Variants in TOGARAM2 observed in about 807,000 individuals in gnomAD.
The protein encoded by TOGARAM2 is TOG array regulator of axonemal microtubules 2.
A neutral mutation model predicts 93.3 loss-of-function variants in TOGARAM2; 85 were observed. The observed-to-expected ratio is 0.91, with a 90% CI of 0.76 to 1.09. The LOEUF (loss-of-function observed/expected upper bound fraction) is 1.09. TOGARAM2 is among the 50% of genes least tolerant of loss of function. The pLI is 0.00. For synonymous variants in TOGARAM2, 593 were observed against 552.8 expected, an observed-to-expected ratio of 1.07 and a Z score of -1.02; for missense variants, 1,277 against 1,334.5, an observed-to-expected ratio of 0.96 and a Z score of 0.67.
At chr2:28,959,917 G>T (rs1163856414) in intron 1 of TOGARAM2, among the ~76,000 whole-genome samples, 6 of 152,168 alleles carry the variant, frequency 3.9e-5, no homozygotes, top group Non-Finnish European at 2.9e-5. Flanking sequence ...AACCTGGGCG[G>T]CACAGCCCGC....
intron 1 of TOGARAM2, among the ~76,000 whole-genome samples, chr2:28,993,064 A>G (rs1255003026): frequency 2.2e-5 from 2 of 92,738 alleles, no homozygotes; most frequent in African/African-American, 5.9e-5. Context: ...TGTCTCAAAA[A>G]AAAAAAAAAA....
At chr2:29,033,891 T>C (rs1001236718) in intron 16 of TOGARAM2, among the ~76,000 whole-genome samples, 1 of 152,048 alleles carries the variant, frequency 6.6e-6, no homozygotes, top group African/African-American at 2.4e-5. Flanking sequence ...GACCAGCAGA[T>C]CCTTTAACCA....
At chr2:28,994,683 A>G in intron 1 of TOGARAM2, 42 bp from the exon 2 acceptor site, 2 of 684,594 alleles carry the variant, frequency 2.9e-6, no homozygotes, top group Non-Finnish European at 5.0e-6. Flanking sequence ...TAAAAGTGTT[A>G]ATTTGCTTTT....
At chr2:29,010,384 C>T (rs1664167459) in intron 6 of TOGARAM2, among the ~76,000 whole-genome samples, 1 of 152,132 alleles carries the variant, frequency 6.6e-6, no homozygotes, top group Non-Finnish European at 1.5e-5. Flanking sequence ...TGGGTCCAGA[C>T]CCAAGAGGCT....
At chr2:28,985,468 A>G (rs532516446) in intron 1 of TOGARAM2, among the ~76,000 whole-genome samples, 1 of 152,204 alleles carries the variant, frequency 6.6e-6, no homozygotes. Flanking sequence ...CAAGGGAGGA[A>G]ACTAGCTGAC....
chr2:29,024,505 A>G lies in TOGARAM2; in HGVS notation c.1853+131A>G, dbSNP rs908013146. On this transcript the variant is annotated intron_variant, in intron 13 of 19. Transcript: ENST00000379558. ...GAGGGAAGCAGGCAAGTGAGGCTGCAGGGGGTCCCTTGAGATGCTAGAGGA... is the reference window on the plus strand; with the variant it reads ...GAGGGAAGCAGGCAAGTGAGGCTGCGGGGGGTCCCTTGAGATGCTAGAGGA... 3 of 819,766 alleles carry G rather than the reference A, an allele frequency of 3.7e-6. No individual in the cohort carries two copies. The African/African-American group carries it at 5.1e-5, about 14-fold the overall frequency. The allele number at this position is 819,766 out of a possible 1,614,324, so 50.8% of individuals were successfully genotyped here.
chr2:28,999,480 C>A lies in TOGARAM2; in HGVS notation c.427+12C>A. 2 of 1,572,960 alleles carry A rather than the reference C, an allele frequency of 1.3e-6. No individual in the cohort carries two copies. Among genetic ancestry groups the A allele is most frequent in the Non-Finnish European group, 1.7e-6 (2 of 1,159,120 alleles). Reference sequence around the variant, plus strand: ...AGCGTCTTCCCGAGGTGAGCACTGGCCCCTGCCCACCCCTCACCCACCCAC... The same window carrying A: ...AGCGTCTTCCCGAGGTGAGCACTGGACCCTGCCCACCCCTCACCCACCCAC... On this transcript the variant is annotated intron_variant, in intron 4 of 19. Coordinates refer to ENST00000379558, the MANE Select transcript of TOGARAM2 (RefSeq NM_199280.4).
At chr2:28,995,005 C>T (rs917082883) in intron 2 of TOGARAM2, 143 bp downstream of exon 2, 24 of 981,842 alleles carry the variant, frequency 2.4e-5, no homozygotes, top group Non-Finnish European at 3.4e-5. Context: ...GCCTTTCCAG[C>T]CCTGGCCAGC....
chr2:28,995,655 G>C (rs988686230), intron 2 of TOGARAM2, among the ~76,000 whole-genome samples: 1 of 152,240 alleles, frequency 6.6e-6, no homozygotes, highest in Non-Finnish European at 1.5e-5. Context: ...TCTAGAAATA[G>C]GATAAAGATG....
chr2:29,022,948 C>T, intron 11 of TOGARAM2, 138 bp from the exon 12 acceptor site: 1 of 688,488 alleles, frequency 1.5e-6, no homozygotes, highest in South Asian at 1.8e-5. Flanking sequence ...GGAAACCCTG[C>T]TCTGAGGCCA....
At chr2:28,972,009 A>C (rs1339662060) in intron 1 of TOGARAM2, among the ~76,000 whole-genome samples, 1 of 152,198 alleles carries the variant, frequency 6.6e-6, no homozygotes, top group Non-Finnish European at 1.5e-5. Flanking sequence ...CCTTATTGGA[A>C]CGTCGTAATA....
chr2:29,051,794 G>A lies in TOGARAM2; in HGVS notation c.2761G>A (p.Val921Ile), dbSNP rs753499079. 1.1e-5 allele frequency: 17 copies of A among 1,549,282 alleles called. No homozygotes were observed. The South Asian group carries it at 1.8e-4, about 16-fold the overall frequency. ...ASVYPRKPQA[V>I]ERHVLPILWH... is the part of the protein sequence containing the mutation. ...AGTTTACCCCCGGAAGCCTCAAGCT[G>A]TAGAGCGGCATGTCCTTCCCATCCT... The change falls in exon 20 of 20, where the codon GTA becomes ATA. Residue 921 changes from valine to isoleucine, a missense_variant. Transcript: ENST00000379558.
chr2:28,987,717 T>G (rs1227468686), intron 1 of TOGARAM2, among the ~76,000 whole-genome samples: 1 of 152,244 alleles, frequency 6.6e-6, no homozygotes, highest in African/African-American at 2.4e-5. Context: ...CCCTATATTG[T>G]CTGAGAACAG....
At position 28,994,950 on chromosome 2, in the gene TOGARAM2, A is replaced by C; in HGVS notation, c.28+88A>C. The C allele has an allele frequency of 2.7e-6, 4 of 1,483,020 alleles. No homozygotes were observed. The East Asian group carries it at 7.5e-5, about 28-fold the overall frequency. 91.9% of individuals were successfully genotyped at this position (1,483,020 alleles called of 1,614,324 possible). A position where few individuals can be genotyped will look rare whatever the true frequency, so the allele number is the denominator to read the frequency against. ...ACTCCCAAGGGCCAGAAAAAGGGAG[A>C]TGTGGGGATAAAGGGCTGCTGGGAG... On this transcript the variant is annotated intron_variant, in intron 2 of 19. Transcript: ENST00000379558.
chr2:29,032,895 A>G, intron 14 of TOGARAM2, 39 bp from the exon 15 acceptor site: 1 of 1,551,978 alleles, frequency 6.4e-7, no homozygotes, highest in Non-Finnish European at 8.8e-7. Context: ...TTTGCATTTC[A>G]GAGGCTGTTT....
At chr2:28,993,188 T>C (rs1044039099) in intron 1 of TOGARAM2, among the ~76,000 whole-genome samples, 1 of 152,184 alleles carries the variant, frequency 6.6e-6, no homozygotes, top group Admixed American at 6.5e-5. Flanking sequence ...TCCAGGCTAT[T>C]GTAATCTGCA....
chr2:28,991,028 G>C (rs977384489), intron 1 of TOGARAM2, among the ~76,000 whole-genome samples: 1 of 145,322 alleles, frequency 6.9e-6, no homozygotes, highest in African/African-American at 2.8e-5. Context: ...GTGTGTGTGT[G>C]TGTGTGTGTG....
At chr2:29,006,283 G>A (rs1663830655) in intron 6 of TOGARAM2, among the ~76,000 whole-genome samples, 1 of 147,822 alleles carries the variant, frequency 6.8e-6, no homozygotes, top group African/African-American at 2.5e-5. Context: ...ATGTGTGCAT[G>A]TATGTGTGCA....
At chr2:29,037,690 C>T (rs546924863) in intron 18 of TOGARAM2, among the ~76,000 whole-genome samples, 37 of 152,330 alleles carry the variant, frequency 2.4e-4, no homozygotes, top group Non-Finnish European at 3.5e-4. Context: ...AATCAAAGGC[C>T]TGGTCAGGTC....
Sources: gnomAD v4.1 joint callset for allele counts (sites outside exome capture counted in the v4.1 genomes callset) on GRCh38, gnomAD v4.1.1 for gene constraint, MANE v1.5 for transcripts, NCBI Gene and HGNC (gene_info 2026-07-23, HGNC 2026-07-21) for gene names.